CDK12: variants seen among roughly 807,000 people sequenced by gnomAD.
CDK12 encodes the protein cyclin dependent kinase 12, also known as cyclin-dependent kinase 12.
In CDK12, 17 loss-of-function variants were observed where a neutral mutation model predicts 133.8. The observed-to-expected ratio is 0.13, with a 90% CI of 0.09 to 0.19. The LOEUF (loss-of-function observed/expected upper bound fraction) is 0.19, where lower values mean the gene tolerates loss of function less well. Among genes scored for constraint, CDK12 ranks in the 10% least tolerant of loss-of-function variants. CDK12 has a pLI of 1.00. For synonymous variants in CDK12, 694 were observed against 683.6 expected, an observed-to-expected ratio of 1.02 and a Z score of -0.24; for missense variants, 1,508 against 1,818.7, an observed-to-expected ratio of 0.83 and a Z score of 3.11.
At chr17:39,542,215 T>A (rs2055457188) in intron 1 of CDK12, among the ~76,000 whole-genome samples, 1 of 151,996 alleles carries the variant, frequency 6.6e-6, no homozygotes, top group South Asian at 2.1e-4. Context: ...AGACGGAGTT[T>A]CGCTCTTGTC....
chr17:39,471,562 C>G lies in CDK12; in HGVS notation c.1730C>G (p.Pro577Arg), dbSNP rs1003286304. Residue 577 changes from proline (P) to arginine (R), a missense_variant, in exon 2 of 14, where the codon CCT becomes CGT. Coordinates refer to ENST00000447079, the MANE Select transcript of CDK12 (RefSeq NM_016507.4). ...TCTCAGCCAGCATTTAGTCAGGTTC[C>G]TGCTTCCAGTACTTCAACTTTGCCC... ...PPSQPAFSQV[P>R]ASSTSTLPPS... 6.2e-7 allele frequency: 1 copy of G among 1,614,042 alleles called. No homozygotes were observed. Among genetic ancestry groups the G allele is most frequent in the East Asian group, 2.2e-5 (1 of 44,872 alleles).
rs2054913727 is a variant in CDK12 at position 39,532,307 on chromosome 17, G to T, written c.*991G>T. On this transcript the variant is annotated 3_prime_UTR_variant, in exon 14 of 14. Coordinates refer to ENST00000447079, the MANE Select transcript of CDK12 (RefSeq NM_016507.4). ...CTCTGTAACTCTTCAATTCTAAAATGTTTTGTTTTTTAAACCATGTTCTGA... is the reference window on the plus strand; with the variant it reads ...CTCTGTAACTCTTCAATTCTAAAATTTTTTGTTTTTTAAACCATGTTCTGA... 4.3e-6 allele frequency: 1 copy of T among 233,134 alleles called. No individual in the cohort carries two copies. The highest frequency in any genetic ancestry group is 2.2e-5 in the African/African-American group (1 of 45,310). The allele number at this position is 233,134 out of a possible 1,614,324, so 14.4% of individuals were successfully genotyped here. A position where few individuals can be genotyped will look rare whatever the true frequency, so the allele number is the denominator to read the frequency against.
downstream of CDK12, among the ~76,000 whole-genome samples, chr17:39,537,288 T>C (rs1315670382): frequency 6.6e-6 from 1 of 152,144 alleles, no homozygotes; most frequent in Non-Finnish European, 1.5e-5. Context: ...GCTAATGCAA[T>C]TTTGAATGCA....
chr17:39,512,744 C>T (rs975394945), intron 8 of CDK12, among the ~76,000 whole-genome samples: 7 of 152,132 alleles, frequency 4.6e-5, no homozygotes, highest in Non-Finnish European at 7.3e-5. Flanking sequence ...TTTGGCTGAA[C>T]TCAGGTCTAA....
rs752379738 is a variant in CDK12, at chr17:39,462,713, C to T, written c.642C>T (p.Asp214=). ...RETPKSYKTV[D]SPKRRSRSPH... Reference sequence around the variant, plus strand: ...CACCCAAAAGTTACAAAACAGTGGACAGCCCAAAACGGAGATCCAGGAGCC... The same window carrying T: ...CACCCAAAAGTTACAAAACAGTGGATAGCCCAAAACGGAGATCCAGGAGCC... The change falls in exon 1 of 14, where the codon GAC becomes GAT. Residue 214 remains aspartate (D), a synonymous_variant. Transcript: ENST00000447079. 2.0e-5 allele frequency: 33 copies of T among 1,614,080 alleles called. No homozygotes were observed. Among genetic ancestry groups the T allele is most frequent in the Middle Eastern group, 3.3e-4 (2 of 6,084 alleles).
rs2054071966 is a variant in CDK12 at position 39,520,106 on chromosome 17, G to A, written c.3095+19G>A. On this transcript the variant is annotated intron_variant, in intron 11 of 13. Transcript: ENST00000447079. ...CTCCAGAGTAAGTGCTGGTAGCCATGTTGTGACCCTAAATCTTTCCCTGGG... is the reference window on the plus strand; with the variant it reads ...CTCCAGAGTAAGTGCTGGTAGCCATATTGTGACCCTAAATCTTTCCCTGGG... The A allele has an allele frequency of 6.2e-7, 1 of 1,613,316 alleles. No homozygotes were observed.
At chr17:39,546,922 T>A (rs1471708794), upstream of CDK12, among the ~76,000 whole-genome samples, 2 of 152,154 alleles carry the variant, frequency 1.3e-5, no homozygotes, top group Non-Finnish European at 2.9e-5. Flanking sequence ...GCCGCTAACC[T>A]CCTGGTATCA....
chr17:39,533,134 C>T lies in CDK12; in HGVS notation c.*1818C>T. 4.3e-6 allele frequency: 1 copy of T among 231,704 alleles called. No homozygotes were observed. Among genetic ancestry groups the T allele is most frequent in the East Asian group, 6.1e-5 (1 of 16,506 alleles). The allele number at this position is 231,704 out of a possible 1,614,324, so 14.4% of individuals were successfully genotyped here. On this transcript the variant is annotated 3_prime_UTR_variant, in exon 14 of 14. Coordinates refer to ENST00000447079, the MANE Select transcript of CDK12 (RefSeq NM_016507.4). ...CCCTCTTCAGATACTTACTTGAAGA[C>T]TGTTTTCCCCTGTTAATGAGATATA... is the stretch of plus-strand genomic sequence containing the variant.
intron 13 of CDK12, among the ~76,000 whole-genome samples, chr17:39,528,835 A>G (rs983072829): frequency 6.6e-6 from 1 of 152,234 alleles, no homozygotes; most frequent in African/African-American, 2.4e-5. Flanking sequence ...CCTCGGTATT[A>G]AAAATCCTCG....
Position 39,466,963 on chromosome 17 carries a change from C to A in CDK12, c.1046+3846C>A, listed in dbSNP as rs539481667. Among the ~76,000 whole-genome samples, 13 of 151,746 alleles carry A rather than the reference C, an allele frequency of 8.6e-5. No homozygotes were observed. In the East Asian group the frequency reaches 1.4e-3, roughly 16 times the overall value. On this transcript the variant is annotated intron_variant, in intron 1 of 13. Transcript: ENST00000447079. ...GAGACAGTCAAAATGAAATAAGCAA[C>A]ATTTTATTTTATTTTATTTTATTTT...
In CDK12 at chr17:39,532,102, TTCTCTCTC is replaced by T. The variant is rs71843922; in HGVS notation, c.*820_*827del. 14,576 of 210,556 alleles carry T rather than the reference TTCTCTCTC, an allele frequency of 0.069. 76 individuals are homozygous for T. The highest frequency in any genetic ancestry group is 0.14 in the East Asian group (2,026 of 14,572). 13.0% of individuals were successfully genotyped at this position (210,556 alleles called of 1,614,324 possible). ...GCTGATGTGTGCTCTCTCTCTCTCT[TTCTCTCTC>T]TCTCTCTCTCTCTCTCTCTCTCTCT... is the stretch of plus-strand genomic sequence containing the variant. On this transcript the variant is annotated 3_prime_UTR_variant, in exon 14 of 14. Coordinates refer to ENST00000447079, the MANE Select transcript of CDK12 (RefSeq NM_016507.4).
At chr17:39,479,949 G>A (rs1162488209) in intron 2 of CDK12, among the ~76,000 whole-genome samples, 1 of 143,688 alleles carries the variant, frequency 7.0e-6, no homozygotes, top group Non-Finnish European at 1.5e-5. Flanking sequence ...TTAAGACAGA[G>A]TTTTGCTCTT....
intron 2 of CDK12, among the ~76,000 whole-genome samples, chr17:39,486,593 C>G (rs762782787): frequency 1.3e-4 from 20 of 152,000 alleles, no homozygotes; most frequent in Non-Finnish European, 2.4e-4. Context: ...CTAGTGAAGC[C>G]AAACCAAGAA....
rs768025531 is a variant in CDK12, at chr17:39,462,393, C to G, written c.322C>G (p.Leu108Val). Residue 108 changes from leucine (L) to valine (V), a missense_variant, in exon 1 of 14, where the codon CTG becomes GTG. This residue lies in a region of CDK12 where 460 missense variants were observed against 490.8 expected (regional missense o/e 0.94). Transcript: ENST00000447079. Reference sequence around the variant, plus strand: ...TCGTGGATCAGATCGGAGCGACCGCCTGCACAAACATCGTCACCACCAGCA... The same window carrying G: ...TCGTGGATCAGATCGGAGCGACCGCGTGCACAAACATCGTCACCACCAGCA... ...ERRGSDRSDR[L>V]HKHRHHQHRR... is the part of the protein sequence containing the mutation. 1 of 1,614,182 alleles carries G rather than the reference C, an allele frequency of 6.2e-7. No homozygotes were observed. Among genetic ancestry groups the G allele is most frequent in the South Asian group, 1.1e-5 (1 of 91,090 alleles).
chr17:39,533,040 A>G lies in CDK12; in HGVS notation c.*1724A>G. On this transcript the variant is annotated 3_prime_UTR_variant, in exon 14 of 14. Transcript: ENST00000447079. ...CAATGCCAAGTTCTTATTTTAAAAA[A>G]TAAAATCTACTTATAAGAGAAAGGT... 8.6e-6 allele frequency: 2 copies of G among 232,268 alleles called. No homozygotes were observed. Among genetic ancestry groups the G allele is most frequent in the Non-Finnish European group, 1.7e-5 (2 of 117,676 alleles). The allele number at this position is 232,268 out of a possible 1,614,324, so 14.4% of individuals were successfully genotyped here.
downstream of CDK12, among the ~76,000 whole-genome samples, chr17:39,538,636 C>T (rs977381532): frequency 6.6e-6 from 1 of 152,184 alleles, no homozygotes; most frequent in Non-Finnish European, 1.5e-5. Context: ...CGGTGGCTCA[C>T]GCCTGTAATC....
intron 2 of CDK12, among the ~76,000 whole-genome samples, chr17:39,479,614 T>G (rs1332232502): frequency 6.6e-6 from 1 of 151,894 alleles, no homozygotes; most frequent in Non-Finnish European, 1.5e-5. Context: ...TGTTTTTTTT[T>G]GTTTTGTTTT....
intron 6 of CDK12, among the ~76,000 whole-genome samples, chr17:39,505,913 G>A (rs1010990140): frequency 1.3e-5 from 2 of 152,136 alleles, no homozygotes; most frequent in African/African-American, 4.8e-5. Flanking sequence ...TAATTAAAAG[G>A]AAAGAGGAAA....
intron 3 of CDK12, among the ~76,000 whole-genome samples, chr17:39,491,094 T>C (rs530145935): frequency 7.9e-5 from 12 of 152,148 alleles, no homozygotes; most frequent in African/African-American, 2.4e-4. Context: ...TTAATAGATA[T>C]GGGATTTTTC....
Sources: allele counts gnomAD v4.1 joint callset (sites outside exome capture counted in the v4.1 genomes callset), GRCh38; gene constraint gnomAD v4.1.1; regional missense constraint gnomAD v4.1.1; transcripts MANE v1.5; gene names NCBI Gene and HGNC (gene_info 2026-07-23, HGNC 2026-07-21).